Variants in DISC1 observed in about 807,000 individuals in gnomAD.
The protein encoded by DISC1 is disrupted in schizophrenia 1 protein.
Under a neutral mutation model 84.5 loss-of-function variants are expected in DISC1, and 57 were observed. The observed-to-expected ratio is 0.67, with a 90% confidence interval of 0.55 to 0.84. The LOEUF (loss-of-function observed/expected upper bound fraction) is 0.84. DISC1 is among the 40% of genes least tolerant of loss of function. The pLI, the probability that DISC1 is intolerant of heterozygous loss-of-function variation, is 0.00. For missense variants in DISC1, 1,000 were observed against 1,057.8 expected (o/e 0.95, Z 0.76); for synonymous variants, 411 against 415.2 (o/e 0.99, Z 0.12).
At chr1:231,810,412 T>C (rs757399685) in intron 8 of DISC1, among the ~76,000 whole-genome samples, 5 of 152,206 alleles carry the variant, frequency 3.3e-5, no homozygotes, top group Non-Finnish European at 5.9e-5. Context: ...AAAAAGTCTG[T>C]GATTTAGATC....
chr1:231,838,826 T>A (rs2082814973), intron 9 of DISC1, among the ~76,000 whole-genome samples: 1 of 152,222 alleles, frequency 6.6e-6, no homozygotes, highest in African/African-American at 2.4e-5. Context: ...CCGCCTGGCC[T>A]CTCATTCAGA....
At chr1:231,799,210 A>G (rs2125632756) in intron 7 of DISC1, among the ~76,000 whole-genome samples, 1 of 152,298 alleles carries the variant, frequency 6.6e-6, no homozygotes, top group East Asian at 1.9e-4. Flanking sequence ...GGGAAAATAC[A>G]TGATAAAACT....
At chr1:231,629,084 T>C (rs2058497482) in intron 1 of DISC1, among the ~76,000 whole-genome samples, 1 of 152,212 alleles carries the variant, frequency 6.6e-6, no homozygotes, top group Admixed American at 6.5e-5. Context: ...GAACTGTTAA[T>C]CCTGGCAAAA....
chr1:231,698,879 G>A lies in DISC1; in HGVS notation c.1048-3076G>A, dbSNP rs1427397395. Among the ~76,000 whole-genome samples the A allele has an allele frequency of 6.6e-6, 1 of 152,130 alleles. No individual in the cohort carries two copies. The highest frequency in any genetic ancestry group is 2.1e-4 in the South Asian group (1 of 4,828). On this transcript the variant is annotated intron_variant, in intron 2 of 12. Coordinates refer to ENST00000439617, the MANE Select transcript of DISC1 (RefSeq NM_018662.3). The surrounding 1 kb of genome is among the most constrained non-coding windows in gnomAD (Gnocchi z 4.9). Reference sequence around the variant, plus strand: ...TATAGAACAATTCAAAGACAAAGGGGTTAATATGATTATTCATTCATTCTT... The same window carrying A: ...TATAGAACAATTCAAAGACAAAGGGATTAATATGATTATTCATTCATTCTT...
At chr1:231,967,277 C>T (rs1407274103) in intron 10 of DISC1, among the ~76,000 whole-genome samples, 1 of 152,192 alleles carries the variant, frequency 6.6e-6, no homozygotes, top group Non-Finnish European at 1.5e-5. Context: ...CTGCCAACTG[C>T]TCTCAATCTA....
intron 4 of DISC1, among the ~76,000 whole-genome samples, chr1:231,764,549 A>G (rs968797039): frequency 5.3e-5 from 8 of 152,224 alleles, no homozygotes; most frequent in African/African-American, 1.7e-4. Flanking sequence ...AAAAACAGCA[A>G]TAAATAGTGA....
intron 10 of DISC1, among the ~76,000 whole-genome samples, chr1:232,002,352 A>G (rs1666798346): frequency 6.6e-6 from 1 of 152,224 alleles, no homozygotes; most frequent in African/African-American, 2.4e-5. Flanking sequence ...CTATGATACA[A>G]CCCAGCAATT....
chr1:231,857,563 C>T (rs1465648071), intron 9 of DISC1, among the ~76,000 whole-genome samples: 1 of 152,104 alleles, frequency 6.6e-6, no homozygotes, highest in Non-Finnish European at 1.5e-5. Flanking sequence ...TAGATATTCT[C>T]CATGGACCTT....
intron 1 of DISC1, among the ~76,000 whole-genome samples, chr1:231,635,706 CCAAT>C (rs1176865585): frequency 2.0e-5 from 3 of 152,050 alleles, no homozygotes; most frequent in Admixed American, 6.6e-5. Flanking sequence ...TCTTTTGAAA[CCAAT>C]CAGGAGTTTC....
At chr1:231,641,995 CA>C (rs1020555999) in intron 1 of DISC1, among the ~76,000 whole-genome samples, 1 of 152,202 alleles carries the variant, frequency 6.6e-6, no homozygotes, top group African/African-American at 2.4e-5. Flanking sequence ...CGCTGTGGAG[CA>C]GGGGGCGGCG....
intron 11 of DISC1, among the ~76,000 whole-genome samples, chr1:232,020,885 T>G (rs1486368661): frequency 6.6e-6 from 1 of 152,216 alleles, no homozygotes; most frequent in Non-Finnish European, 1.5e-5. Flanking sequence ...CCAGGGGATC[T>G]CTGCAGAATA....
chr1:231,763,113 G>A (rs547229824), intron 4 of DISC1, among the ~76,000 whole-genome samples: 3 of 152,246 alleles, frequency 2.0e-5, no homozygotes, highest in East Asian at 1.9e-4. Context: ...GGAGATGGAA[G>A]TTCCTGGGCT....
intron 9 of DISC1, among the ~76,000 whole-genome samples, chr1:231,862,353 T>A (rs1479799108): frequency 1.3e-5 from 2 of 152,278 alleles, no homozygotes. Context: ...ATTGTGAGGA[T>A]TCCCTTAGTG....
chr1:232,021,332 A>G lies in DISC1; in HGVS notation c.2308-5103A>G, dbSNP rs552090127. Among the ~76,000 whole-genome samples the G allele has an allele frequency of 5.0e-5, 5 of 100,070 alleles. No individual in the cohort carries two copies. The East Asian group carries it at 1.4e-3, about 28-fold the overall frequency. 65.6% of individuals were successfully genotyped at this position (100,070 alleles called of 152,430 possible). The stretch of plus-strand genomic sequence containing the variant: ...AGGAAATTTTTACTGTACTTGTTCT[A>G]TACACACACACACACACACACACAC... On this transcript the variant is annotated intron_variant, in intron 11 of 12. Coordinates refer to ENST00000439617, the MANE Select transcript of DISC1 (RefSeq NM_018662.3).
At position 231,897,681 on chromosome 1, in the gene DISC1, G is replaced by T. The variant is rs897550892; in HGVS notation, c.1982-61147G>T. Among the ~76,000 whole-genome samples the T allele has an allele frequency of 1.1e-4, 17 of 152,180 alleles. No homozygotes were observed. Among genetic ancestry groups the T allele is most frequent in the African/African-American group, 4.1e-4 (17 of 41,446 alleles). ...GATTTTGAGCTGGTCACCGTGTGCT[G>T]TTGTAGTAACAGGGCCTCCTGGTGC... On this transcript the variant is annotated intron_variant, in intron 9 of 12. Coordinates refer to ENST00000439617, the MANE Select transcript of DISC1 (RefSeq NM_018662.3). This position sits in a 1 kb window ranked among gnomAD's most constrained non-coding sequence, Gnocchi z 4.5.
At chr1:231,766,150 C>T (rs543531508) in intron 4 of DISC1, among the ~76,000 whole-genome samples, 1 of 152,014 alleles carries the variant, frequency 6.6e-6, no homozygotes, top group Admixed American at 6.6e-5. Context: ...ATTAGCTGGG[C>T]ATGGTGGCAC....
At chr1:231,852,181 G>A (rs2083942629) in intron 9 of DISC1, among the ~76,000 whole-genome samples, 1 of 152,172 alleles carries the variant, frequency 6.6e-6, no homozygotes, top group Non-Finnish European at 1.5e-5. Flanking sequence ...GTCTCCAAAG[G>A]CCTGACTGAC....
At chr1:231,674,747 T>C (rs552842899) in intron 1 of DISC1, among the ~76,000 whole-genome samples, 1 of 152,360 alleles carries the variant, frequency 6.6e-6, no homozygotes, top group African/African-American at 2.4e-5. Context: ...GCCATGTGTA[T>C]GTAGTTCTGC....
chr1:231,649,276 C>T (rs551009400), intron 1 of DISC1, among the ~76,000 whole-genome samples: 4 of 152,284 alleles, frequency 2.6e-5, no homozygotes, highest in East Asian at 1.9e-4. Context: ...GCATTAGTTT[C>T]GAAGAACACC....
Sources: gnomAD v4.1 joint callset for allele counts (sites outside exome capture counted in the v4.1 genomes callset) on GRCh38, gnomAD v4.1.1 for gene constraint, Gnocchi (gnomAD v3.1) non-coding constraint, MANE v1.5 for transcripts, NCBI Gene and HGNC (gene_info 2026-07-23, HGNC 2026-07-21) for gene names.